The following NIPBL variants were observed in gnomAD, a reference collection of about 807,000 sequenced individuals.
NIPBL encodes the protein nipped-B-like protein.
NIPBL carries 19 observed loss-of-function variants against 321.8 expected under a neutral mutation model. That is an observed-to-expected ratio of 0.06 (90% CI 0.04 to 0.09). The LOEUF (loss-of-function observed/expected upper bound fraction) is 0.09, where lower values mean the gene tolerates loss of function less well. NIPBL is among the 10% of genes least tolerant of loss of function. The pLI is 1.00. For synonymous variants in NIPBL, 1,106 were observed against 1,114.1 expected (o/e 0.99, Z 0.14); for missense variants, 2,210 against 3,327.0 (o/e 0.66, Z 8.26).
chr5:36,986,110 A>G lies in NIPBL; in HGVS notation c.2930A>G (p.Glu977Gly), dbSNP rs1315154860. 3 of 1,613,984 alleles carry G rather than the reference A, an allele frequency of 1.9e-6. No individual in the cohort carries two copies. Among genetic ancestry groups the G allele is most frequent in the East Asian group, 4.5e-5 (2 of 44,860 alleles). The change falls in exon 10 of 47, where the codon GAA (glutamate) becomes GGA (glycine). Residue 977 changes from glutamate to glycine, a missense_variant. Coordinates refer to ENST00000282516, the MANE Select transcript of NIPBL (RefSeq NM_133433.4). ...GNVTQETKKM[E>G]MKGEPKDKVE... The stretch of plus-strand genomic sequence containing the variant: ...GTTACTCAGGAGACAAAGAAAATGG[A>G]AATGAAAGGAGAGCCGAAAGACAAA...
At chr5:36,925,332 G>GATC (rs1459056331) in intron 1 of NIPBL, among the ~76,000 whole-genome samples, 1 of 149,352 alleles carries the variant, frequency 6.7e-6, no homozygotes, top group African/African-American at 2.5e-5. Flanking sequence ...GCAATGGCGT[G>GATC]ATCTCGGCGC....
intron 11 of NIPBL, among the ~76,000 whole-genome samples, chr5:36,998,155 CTCTTT>C (rs1394163353): frequency 1.3e-5 from 2 of 152,090 alleles, no homozygotes; most frequent in Non-Finnish European, 2.9e-5. Context: ...TTACGTACCT[CTCTTT>C]TGAGTCCTTT....
At chr5:37,009,136 G>A (rs1193001745) in intron 20 of NIPBL, among the ~76,000 whole-genome samples, 1 of 151,882 alleles carries the variant, frequency 6.6e-6, no homozygotes, top group African/African-American at 2.4e-5. Context: ...TCCTTAATAT[G>A]AACCACTAGT....
intron 10 of NIPBL, among the ~76,000 whole-genome samples, chr5:36,991,628 T>A (rs1745526421): frequency 6.6e-6 from 1 of 151,428 alleles, no homozygotes; most frequent in Non-Finnish European, 1.5e-5. Context: ...GTATTGAAAA[T>A]TTTTTTTTGC....
intron 1 of NIPBL, chr5:36,885,532 C>A: frequency 1.9e-6 from 1 of 518,868 alleles, no homozygotes; most frequent in Non-Finnish European, 3.8e-6. Flanking sequence ...GACTGGAGAG[C>A]AACACCCGGG....
At chr5:37,051,653 TA>T in intron 40 of NIPBL, 125 bp from the exon 41 acceptor site, 3 of 688,478 alleles carry the variant, frequency 4.4e-6, no homozygotes, top group Non-Finnish European at 7.8e-6. Context: ...CACTAAAACA[TA>T]GACTTTATAG....
chr5:36,901,440 A>G (rs1747203254), intron 1 of NIPBL, among the ~76,000 whole-genome samples: 1 of 144,812 alleles, frequency 6.9e-6, no homozygotes, highest in Admixed American at 6.9e-5. Context: ...AGAATGATGT[A>G]TATTGCTTTG....
chr5:36,899,213 A>G (rs562659786), intron 1 of NIPBL, among the ~76,000 whole-genome samples: 2 of 152,284 alleles, frequency 1.3e-5, no homozygotes, highest in East Asian at 3.9e-4. Context: ...GAACCCCTTA[A>G]ATAGTTTTAG....
Position 37,006,531 on chromosome 5 carries a change from T to A in NIPBL, c.4030T>A (p.Leu1344Met). The change falls in exon 17 of 47, where the codon TTG becomes ATG. Residue 1344 changes from leucine (L) to methionine (M), a missense_variant. Leu to Met is a conservative substitution (Grantham distance 15, BLOSUM62 2). Around this residue, in one of 14 missense-constraint regions of NIPBL, gnomAD observed 381 missense variants for 642.3 expected, o/e 0.59. Coordinates refer to ENST00000282516, the MANE Select transcript of NIPBL (RefSeq NM_133433.4). ...ERVIQYTKFH[L>M]QNTLYPQYDP... ...AGTTATACAGTACACTAAATTTCAT[T>A]TGCAGAATACACTTTATCCTCAGTA... 1 of 1,611,766 alleles carries A rather than the reference T, an allele frequency of 6.2e-7. No individual in the cohort carries two copies. The highest frequency in any genetic ancestry group is 1.1e-5 in the South Asian group (1 of 90,964).
At chr5:36,965,708 T>A (rs1393380245) in intron 6 of NIPBL, among the ~76,000 whole-genome samples, 2 of 152,096 alleles carry the variant, frequency 1.3e-5, no homozygotes, top group African/African-American at 2.4e-5. Context: ...AATATTAAGG[T>A]GGTGGATATC....
At chr5:36,881,385 T>A (rs1463166004) in intron 1 of NIPBL, among the ~76,000 whole-genome samples, 2 of 151,926 alleles carry the variant, frequency 1.3e-5, no homozygotes, top group Non-Finnish European at 2.9e-5. Flanking sequence ...TTTTTTTCTA[T>A]TCCCAAAGTT....
At chr5:37,023,747 A>ATTTTTTTTTTTTTTTTT (rs1749926348) in intron 29 of NIPBL, among the ~76,000 whole-genome samples, 1 of 88,756 alleles carries the variant, frequency 1.1e-5, no homozygotes, top group Non-Finnish European at 2.3e-5. Context: ...CTATTTTCTT[A>ATTTTTTTTTTTTTTTTT]TTCTTTTTTT....
rs372752190 is a variant in NIPBL at position 37,001,044 on chromosome 5, G to A, written c.3630G>A (p.Leu1210=). The A allele has an allele frequency of 4.5e-5, 72 of 1,610,836 alleles. No homozygotes were observed. The highest frequency in any genetic ancestry group is 1.0e-4 in the Admixed American group (6 of 59,860). ...TCACAGCCTCAATAGAGAATATTTTGGATAATTTGGAAGATATGGATTTTA... is the reference window on the plus strand; with the variant it reads ...TCACAGCCTCAATAGAGAATATTTTAGATAATTTGGAAGATATGGATTTTA... ...KRFTASIENI[L]DNLEDMDFTA... The change falls in exon 14 of 47, where the codon TTG becomes TTA. Residue 1210 remains leucine, a synonymous_variant. Coordinates refer to ENST00000282516, the MANE Select transcript of NIPBL (RefSeq NM_133433.4).
At chr5:36,908,366 A>T (rs1426182536) in intron 1 of NIPBL, among the ~76,000 whole-genome samples, 1 of 152,166 alleles carries the variant, frequency 6.6e-6, no homozygotes, top group Non-Finnish European at 1.5e-5. Context: ...CATATTATGG[A>T]TGTTTATGCT....
intron 6 of NIPBL, among the ~76,000 whole-genome samples, chr5:36,968,761 T>A (rs889505891): frequency 1.3e-5 from 2 of 152,216 alleles, no homozygotes; most frequent in African/African-American, 4.8e-5. Context: ...AGAAACATTT[T>A]GTTTCAATTC....
intron 11 of NIPBL, 94 bp from the exon 12 acceptor site, chr5:37,000,279 A>AG: frequency 4.9e-6 from 6 of 1,216,308 alleles, no homozygotes; most frequent in Non-Finnish European, 7.1e-6. Flanking sequence ...TATGGAATGA[A>AG]GATTTTTTTC....
intron 25 of NIPBL, among the ~76,000 whole-genome samples, chr5:37,020,248 A>G (rs537823352): frequency 6.6e-6 from 1 of 152,350 alleles, no homozygotes; most frequent in South Asian, 2.1e-4. Context: ...TCATTAATAT[A>G]AGTATTGGAA....
chr5:37,054,195 C>CAAAAAAAAA (rs1200216062), intron 42 of NIPBL, among the ~76,000 whole-genome samples: 1 of 57,582 alleles, frequency 1.7e-5, no homozygotes. Flanking sequence ...GACTCCGTCT[C>CAAAAAAAAA]AAAAAAAAAA....
intron 29 of NIPBL, among the ~76,000 whole-genome samples, chr5:37,022,612 A>G (rs1749775362): frequency 6.6e-6 from 1 of 152,146 alleles, no homozygotes; most frequent in Non-Finnish European, 1.5e-5. Flanking sequence ...TCCTTTTTTC[A>G]GTTGCTGTTT....
Sources: allele counts gnomAD v4.1 joint callset (sites outside exome capture counted in the v4.1 genomes callset), GRCh38; gene constraint gnomAD v4.1.1; regional missense constraint gnomAD v4.1.1; transcripts MANE v1.5; gene names NCBI Gene and HGNC (gene_info 2026-07-23, HGNC 2026-07-21).